Variants in SMYD3 observed in about 807,000 individuals in gnomAD.
SMYD3 encodes the protein histone-lysine N-methyltransferase SMYD3.
In SMYD3, 36 loss-of-function variants were observed where a neutral mutation model predicts 57.7. The ratio of observed to expected loss-of-function variants is 0.62; its 90% CI spans 0.48 to 0.82. The LOEUF (loss-of-function observed/expected upper bound fraction) is 0.82, where lower values mean the gene tolerates loss of function less well. Ranked by LOEUF, SMYD3 falls within the 40% of genes least tolerant of loss-of-function variation. The pLI, the probability that SMYD3 is intolerant of heterozygous loss-of-function variation, is 0.00. For synonymous variants in SMYD3, 211 were observed against 195.0 expected, an observed-to-expected ratio of 1.08 and a Z score of -0.68; for missense variants, 515 against 538.8, an observed-to-expected ratio of 0.96 and a Z score of 0.44.
At chr1:246,479,406 T>C (rs1020033588) in intron 1 of SMYD3, among the ~76,000 whole-genome samples, 7 of 152,196 alleles carry the variant, frequency 4.6e-5, no homozygotes, top group Admixed American at 6.5e-5. Context: ...TAATACACTT[T>C]TGTTGAGATT....
At chr1:246,495,064 G>A (rs1438169343) in intron 1 of SMYD3, among the ~76,000 whole-genome samples, 1 of 152,052 alleles carries the variant, frequency 6.6e-6, no homozygotes, top group East Asian at 1.9e-4. Flanking sequence ...AAATGTCTAT[G>A]CTCTGCCGGG....
At chr1:246,123,720 G>T (rs1188564157) in intron 5 of SMYD3, among the ~76,000 whole-genome samples, 1 of 151,886 alleles carries the variant, frequency 6.6e-6, no homozygotes, top group African/African-American at 2.4e-5. Context: ...TGTATTACAT[G>T]CTTGTATTGT....
At chr1:245,972,608 T>C (rs1269771861) in intron 5 of SMYD3, among the ~76,000 whole-genome samples, 1 of 152,208 alleles carries the variant, frequency 6.6e-6, no homozygotes, top group African/African-American at 2.4e-5. Context: ...CGTTTCCCAG[T>C]TCCTCCCCCA....
At chr1:245,983,859 C>A (rs1335797413) in intron 5 of SMYD3, among the ~76,000 whole-genome samples, 1 of 152,034 alleles carries the variant, frequency 6.6e-6, no homozygotes, top group Non-Finnish European at 1.5e-5. Context: ...TGAGAAAGGG[C>A]CAGGAGGAAG....
At chr1:246,148,793 T>A (rs573019389) in intron 5 of SMYD3, among the ~76,000 whole-genome samples, 10 of 152,248 alleles carry the variant, frequency 6.6e-5, no homozygotes, top group African/African-American at 2.4e-4. Flanking sequence ...TCCCCAACAT[T>A]TTCCAGGGAT....
At chr1:245,814,494 C>G (rs188916425) in intron 10 of SMYD3, 12 of 701,104 alleles carry the variant, frequency 1.7e-5, no homozygotes, top group Non-Finnish European at 2.1e-5. Context: ...GCTACTGTTA[C>G]ACCACATACT....
chr1:245,815,456 A>T (rs2048749582), intron 10 of SMYD3, among the ~76,000 whole-genome samples: 1 of 152,230 alleles, frequency 6.6e-6, no homozygotes, highest in African/African-American at 2.4e-5. Flanking sequence ...CCATCAGAAT[A>T]GCTGGGGAGC....
intron 10 of SMYD3, among the ~76,000 whole-genome samples, chr1:245,834,602 T>A (rs1210695551): frequency 2.0e-5 from 3 of 152,168 alleles, no homozygotes; most frequent in Non-Finnish European, 4.4e-5. Context: ...AGCTGAAAAT[T>A]TAGGAAGCAA....
At chr1:246,394,459 C>T (rs1214893346) in intron 1 of SMYD3, among the ~76,000 whole-genome samples, 2 of 152,246 alleles carry the variant, frequency 1.3e-5, no homozygotes, top group Non-Finnish European at 2.9e-5. Context: ...CAGCAGGAAC[C>T]TATGGCAGAG....
intron 1 of SMYD3, among the ~76,000 whole-genome samples, chr1:246,469,994 C>T (rs1337438435): frequency 6.6e-6 from 1 of 152,224 alleles, no homozygotes; most frequent in East Asian, 1.9e-4. Flanking sequence ...TACATAAATA[C>T]TGTCTTATGT....
rs140256709 is a variant in SMYD3, at chr1:246,004,100, G to A, written c.532-74163C>T. Among the ~76,000 whole-genome samples, 77 of 152,290 alleles carry A rather than the reference G, an allele frequency of 5.1e-4. No homozygotes were observed. The Middle Eastern group carries it at 0.01, about 20-fold the overall frequency. ...TCTGTAAAATGGGAATGAGCCTACC[G>A]ACTTCATAGGATTGCTGTGAGGATT... On this transcript the variant is annotated intron_variant, in intron 5 of 11. Coordinates refer to ENST00000490107, the MANE Select transcript of SMYD3 (RefSeq NM_001167740.2).
At chr1:246,245,558 T>C (rs1323573640) in intron 5 of SMYD3, among the ~76,000 whole-genome samples, 1 of 151,768 alleles carries the variant, frequency 6.6e-6, no homozygotes, top group African/African-American at 2.4e-5. Context: ...ATCTCAACCC[T>C]TAAAGAGAGA....
intron 5 of SMYD3, chr1:246,113,762 T>A (rs1439484126): frequency 1.3e-5 from 2 of 152,204 alleles, no homozygotes; most frequent in African/African-American, 4.8e-5. Context: ...TGGTCATGAC[T>A]GGAACACAGG....
chr1:245,870,642 G>C (rs920268737), intron 8 of SMYD3, among the ~76,000 whole-genome samples: 1 of 152,068 alleles, frequency 6.6e-6, no homozygotes, highest in Admixed American at 6.5e-5. Flanking sequence ...CACATAAAAG[G>C]GTATCACTCA....
chr1:246,289,515 T>C (rs10924674), intron 5 of SMYD3, among the ~76,000 whole-genome samples: 15,131 of 152,220 alleles, frequency 0.099, 1,448 homozygotes, highest in African/African-American at 0.24. Flanking sequence ...TAATACATCT[T>C]TGGCATTTCG....
At chr1:246,390,798 C>T (rs1487519444) in intron 1 of SMYD3, among the ~76,000 whole-genome samples, 1 of 152,054 alleles carries the variant, frequency 6.6e-6, no homozygotes, top group Non-Finnish European at 1.5e-5. Context: ...TTCAAGTGCA[C>T]AACAGCCACA....
At chr1:246,152,740 AT>A (rs143744300) in intron 5 of SMYD3, among the ~76,000 whole-genome samples, 5,770 of 152,286 alleles carry the variant, frequency 0.038, 157 homozygotes, top group South Asian at 0.087. Context: ...TGGAATTAAC[AT>A]TACGTATTTT....
chr1:246,381,580 G>A (rs542599949), intron 1 of SMYD3, among the ~76,000 whole-genome samples: 1 of 152,314 alleles, frequency 6.6e-6, no homozygotes, highest in South Asian at 2.1e-4. Flanking sequence ...CAATGTACTG[G>A]AGGCAACAAG....
At chr1:246,347,001 T>C (rs758657722) in intron 2 of SMYD3, among the ~76,000 whole-genome samples, 1 of 152,078 alleles carries the variant, frequency 6.6e-6, no homozygotes, top group African/African-American at 2.4e-5. Flanking sequence ...CAAGAAGAAC[T>C]GCTAGATCAA....
Sources: allele counts gnomAD v4.1 joint callset (sites outside exome capture counted in the v4.1 genomes callset), GRCh38; gene constraint gnomAD v4.1.1; transcripts MANE v1.5; gene names NCBI Gene and HGNC (gene_info 2026-07-23, HGNC 2026-07-21).